MGA: variants seen among roughly 807,000 people sequenced by gnomAD.
MGA encodes the protein MAX dimerization protein MGA, also known as MAX gene-associated protein.
A neutral mutation model predicts 261.1 loss-of-function variants in MGA; 40 were observed. The ratio of observed to expected loss-of-function variants is 0.15; its 90% CI spans 0.12 to 0.20. The LOEUF (loss-of-function observed/expected upper bound fraction) is 0.20. Ranked by LOEUF, MGA falls within the 10% of genes least tolerant of loss-of-function variation. The probability of loss-of-function intolerance (pLI) is 1.00; values close to 1 mark genes in which losing one functional copy is unlikely to be tolerated. For missense variants in MGA, 3,397 were observed against 3,630.5 expected (o/e 0.94, Z 1.65); for synonymous variants, 1,302 against 1,290.6 (o/e 1.01, Z -0.19).
At chr15:41,694,849 C>T (rs1055377684) in intron 2 of MGA, among the ~76,000 whole-genome samples, 3 of 152,132 alleles carry the variant, frequency 2.0e-5, no homozygotes, top group African/African-American at 7.2e-5. Flanking sequence ...TAGCTCACTG[C>T]AGCCTCGAAC....
At chr15:41,703,650 G>A (rs2151393749) in intron 5 of MGA, among the ~76,000 whole-genome samples, 1 of 151,994 alleles carries the variant, frequency 6.6e-6, no homozygotes, top group East Asian at 1.9e-4. Context: ...GCTGAGGCAG[G>A]AGAATTGCTT....
At chr15:41,764,600 G>A (rs1023240979) in intron 22 of MGA, among the ~76,000 whole-genome samples, 10 of 151,882 alleles carry the variant, frequency 6.6e-5, no homozygotes, top group Non-Finnish European at 1.3e-4. Flanking sequence ...CTGGAGTGCA[G>A]TGTCTCGCTT....
At chr15:41,708,302 T>G (rs1444130010) in intron 7 of MGA, 94 bp downstream of exon 7, 1 of 914,376 alleles carries the variant, frequency 1.1e-6, no homozygotes, top group East Asian at 2.6e-5. Context: ...CTTCATTCCT[T>G]CTCGCCATGG....
intron 2 of MGA, among the ~76,000 whole-genome samples, chr15:41,678,659 C>G (rs945650112): frequency 3.3e-5 from 5 of 151,132 alleles, no homozygotes; most frequent in Non-Finnish European, 5.9e-5. Flanking sequence ...CCCAGCTACT[C>G]AGGAGGCTGA....
At chr15:41,755,483 G>A (rs1454464619) in intron 18 of MGA, among the ~76,000 whole-genome samples, 1 of 152,190 alleles carries the variant, frequency 6.6e-6, no homozygotes, top group African/African-American at 2.4e-5. Context: ...CTAAAACTGA[G>A]TTTGTAAACA....
chr15:41,713,583 C>T (rs2060484432), intron 9 of MGA, 87 bp downstream of exon 9: 2 of 1,384,430 alleles, frequency 1.4e-6, no homozygotes, highest in Non-Finnish European at 9.5e-7. Flanking sequence ...TACCTTAATC[C>T]CGATCAATTA....
At chr15:41,719,671 G>T (rs2060836731) in intron 9 of MGA, among the ~76,000 whole-genome samples, 2 of 152,096 alleles carry the variant, frequency 1.3e-5, no homozygotes, top group African/African-American at 2.4e-5. Flanking sequence ...GAGCCTGGGA[G>T]GCAGAGGTTG....
At chr15:41,661,846 TGGTTC>T (rs2057422445) in intron 1 of MGA, among the ~76,000 whole-genome samples, 1 of 152,122 alleles carries the variant, frequency 6.6e-6, no homozygotes, top group Non-Finnish European at 1.5e-5. Flanking sequence ...GTCTGGTGGC[TGGTTC>T]TGTAGTCTCC....
chr15:41,679,677 T>C (rs1176998027), intron 2 of MGA, among the ~76,000 whole-genome samples: 1 of 152,136 alleles, frequency 6.6e-6, no homozygotes, highest in Non-Finnish European at 1.5e-5. Flanking sequence ...CCTTCAACTT[T>C]GCTGAATTGT....
chr15:41,672,866 GCACACACACACACA>G (rs5812197), intron 2 of MGA, among the ~76,000 whole-genome samples: 2 of 150,306 alleles, frequency 1.3e-5, no homozygotes, highest in Admixed American at 1.3e-4. Context: ...ACATGCGTGT[GCACACACACACACA>G]CACACACACA....
At chr15:41,637,552 G>T (rs961222572) in intron 1 of MGA, among the ~76,000 whole-genome samples, 21 of 152,246 alleles carry the variant, frequency 1.4e-4, no homozygotes, top group South Asian at 2.1e-4. Flanking sequence ...AAGGAATGTG[G>T]TGAAAAGCCG....
rs2059555632 is a variant in MGA at position 41,696,476 on chromosome 15, A to G, written c.1466A>G (p.Asn489Ser). The change falls in exon 3 of 24, where the codon AAC becomes AGC. Residue 489 changes from asparagine to serine, a missense_variant. By Grantham distance (46) the Asn-to-Ser change is conservative. Coordinates refer to ENST00000219905, the MANE Select transcript of MGA (RefSeq NM_001164273.2). ...GTTAAGATTTCTGAACTCCCCGATA[A>G]CATGCTTTCCACATCTCGAAAGGAT... The G allele has an allele frequency of 6.2e-7, 1 of 1,614,014 alleles. No homozygotes were observed. Among genetic ancestry groups the G allele is most frequent in the African/African-American group, 1.3e-5 (1 of 75,056 alleles).
At chr15:41,752,688 T>G (rs952414049) in intron 17 of MGA, among the ~76,000 whole-genome samples, 8 of 151,686 alleles carry the variant, frequency 5.3e-5, no homozygotes, top group African/African-American at 1.9e-4. Context: ...CCGAGTAGCT[T>G]GGGATTACAG....
intron 12 of MGA, 44 bp downstream of exon 12, chr15:41,734,638 A>C (rs562522890): frequency 1.8e-5 from 25 of 1,408,492 alleles, no homozygotes; most frequent in African/African-American, 2.8e-5. Context: ...AAAATTATTT[A>C]GGTCTAGATT....
At chr15:41,683,442 G>A (rs766714470) in intron 2 of MGA, among the ~76,000 whole-genome samples, 2 of 152,128 alleles carry the variant, frequency 1.3e-5, no homozygotes, top group East Asian at 1.9e-4. Context: ...GTGTTTCCCA[G>A]GTTGGTCCCT....
Position 41,669,768 on chromosome 15 carries a change from G to T in MGA, c.874G>T (p.Val292Phe). The T allele has an allele frequency of 2.5e-6, 4 of 1,613,942 alleles. No homozygotes were observed. Among genetic ancestry groups the T allele is most frequent in the Non-Finnish European group, 3.4e-6 (4 of 1,179,870 alleles). The change falls in exon 2 of 24, where the codon GTC becomes TTC. Residue 292 changes from valine to phenylalanine, a missense_variant. This residue lies in a region of MGA where 563 missense variants were observed against 563.6 expected (regional missense o/e 1.00). Coordinates refer to ENST00000219905, the MANE Select transcript of MGA (RefSeq NM_001164273.2). Reference sequence around the variant, plus strand: ...TATTTCCAGTTCTTCTGGTCATCGGGTCCGTCTTACAGAAGGTCAGGGGTC... The same window carrying T: ...TATTTCCAGTTCTTCTGGTCATCGGTTCCGTCTTACAGAAGGTCAGGGGTC...
At chr15:41,745,170 A>G (rs2062371911) in intron 15 of MGA, among the ~76,000 whole-genome samples, 1 of 151,786 alleles carries the variant, frequency 6.6e-6, no homozygotes, top group African/African-American at 2.4e-5. Flanking sequence ...CGTGAGCCAC[A>G]GCGCCTGGCT....
rs149245894 is a variant in MGA at position 41,753,067 on chromosome 15, T to G, written c.7009-1370T>G. On this transcript the variant is annotated intron_variant, in intron 17 of 23. Transcript: ENST00000219905. Reference sequence around the variant, plus strand: ...ACTGTGAGGGAAGTTGTAAATAGCTTCTTTAATTTAAATCTTCCTTGTGGA... The same window carrying G: ...ACTGTGAGGGAAGTTGTAAATAGCTGCTTTAATTTAAATCTTCCTTGTGGA... Among the ~76,000 whole-genome samples the G allele has an allele frequency of 3.4e-3, 523 of 152,320 alleles. 5 individuals carry two copies. The highest frequency in any genetic ancestry group is 5.6e-3 in the Non-Finnish European group (381 of 68,026).
At chr15:41,742,357 C>G (rs2062161069) in intron 14 of MGA, among the ~76,000 whole-genome samples, 189 bp from the exon 15 acceptor site, 1 of 151,902 alleles carries the variant, frequency 6.6e-6, no homozygotes, top group African/African-American at 2.4e-5. Context: ...CCATTGCACT[C>G]TAGCCTGGGC....
Sources: gnomAD v4.1 joint callset for allele counts (sites outside exome capture counted in the v4.1 genomes callset) on GRCh38, gnomAD v4.1.1 for gene constraint, gnomAD v4.1.1 regional missense constraint, MANE v1.5 for transcripts, NCBI Gene and HGNC (gene_info 2026-07-23, HGNC 2026-07-21) for gene names.